Variants in LRRFIP2 observed in about 807,000 individuals in gnomAD.
LRRFIP2 encodes the protein LRR binding FLII interacting protein 2.
Under a neutral mutation model 125.9 loss-of-function variants are expected in LRRFIP2, and 109 were observed. That is an observed-to-expected ratio of 0.87 (90% CI 0.74 to 1.01). The LOEUF (loss-of-function observed/expected upper bound fraction) is 1.01. LRRFIP2 is among the 50% of genes least tolerant of loss of function. The pLI is 0.00. For synonymous variants in LRRFIP2, 291 were observed against 293.1 expected, an observed-to-expected ratio of 0.99 and a Z score of 0.07; for missense variants, 850 against 862.3, an observed-to-expected ratio of 0.99 and a Z score of 0.18.
In LRRFIP2 at chr3:37,144,008, G is replaced by A. The variant is rs56364665; in HGVS notation, c.90+4886C>T. ...ATGGCTGACGTCCCAGACCCTTCGA[G>A]ACTGTCATCGCACTTCAGTTTGCTT... On this transcript the variant is annotated intron_variant, in intron 2 of 27. Coordinates refer to ENST00000336686, the MANE Select transcript of LRRFIP2 (RefSeq NM_006309.4). 8.5e-3 allele frequency: 1,294 copies of A among 152,550 alleles called. 9 individuals carry two copies. Among genetic ancestry groups the A allele is most frequent in the Non-Finnish European group, 0.014 (964 of 68,206 alleles). The allele number at this position is 152,550 out of a possible 1,614,324, so 9.4% of individuals were successfully genotyped here.
chr3:37,066,020 A>G, intron 22 of LRRFIP2, 78 bp from the exon 23 acceptor site: 1 of 1,572,334 alleles, frequency 6.4e-7, no homozygotes, highest in Non-Finnish European at 8.7e-7. Flanking sequence ...CTGCAACAAT[A>G]CATGTTTGCT....
At position 37,063,811 on chromosome 3, in the gene LRRFIP2, T is replaced by A. The variant is rs758528760; in HGVS notation, c.1700-20A>T. The stretch of plus-strand genomic sequence containing the variant: ...TTACATCTAAAACAAATGAAAAAGA[T>A]CATAAACTAAATATGTGATGATATA... On this transcript the variant is annotated intron_variant, in intron 23 of 27. Coordinates refer to ENST00000336686, the MANE Select transcript of LRRFIP2 (RefSeq NM_006309.4). 5 of 1,592,594 alleles carry A rather than the reference T, an allele frequency of 3.1e-6. No homozygotes were observed. The highest frequency in any genetic ancestry group is 1.7e-4 in the Middle Eastern group (1 of 6,034).
intron 2 of LRRFIP2, among the ~76,000 whole-genome samples, chr3:37,142,551 T>C (rs1259705692): frequency 6.6e-6 from 1 of 152,160 alleles, no homozygotes; most frequent in Non-Finnish European, 1.5e-5. Flanking sequence ...GTCCAAAATA[T>C]ACTTAAATAA....
intron 13 of LRRFIP2, among the ~76,000 whole-genome samples, chr3:37,107,134 T>C (rs2094366592): frequency 6.6e-6 from 1 of 151,966 alleles, no homozygotes; most frequent in Non-Finnish European, 1.5e-5. Context: ...AAACTCCCGA[T>C]CTCAGGTAAT....
chr3:37,137,897 C>T lies in LRRFIP2; in HGVS notation c.91-8748G>A, dbSNP rs544272473. On this transcript the variant is annotated intron_variant, in intron 2 of 27. Transcript: ENST00000336686. Reference sequence around the variant, plus strand: ...ACTCTTGTTCAAACCCAAGGTCTGACGACCTCCTACTTCCTTAACAAATCT... The same window carrying T: ...ACTCTTGTTCAAACCCAAGGTCTGATGACCTCCTACTTCCTTAACAAATCT... Among the ~76,000 whole-genome samples, 6 of 152,300 alleles carry T rather than the reference C, an allele frequency of 3.9e-5. No homozygotes were observed. In the East Asian group the frequency reaches 7.7e-4, roughly 20 times the overall value.
intron 15 of LRRFIP2, 25 bp downstream of exon 15, chr3:37,102,899 C>CT: frequency 1.3e-6 from 2 of 1,494,152 alleles, no homozygotes; most frequent in Non-Finnish European, 1.8e-6. Context: ...ACAACATAAC[C>CT]AACCACCCCA....
intron 25 of LRRFIP2, among the ~76,000 whole-genome samples, chr3:37,057,876 G>A (rs3774327): frequency 0.52 from 78,786 of 152,034 alleles, 21,626 homozygotes; most frequent in African/African-American, 0.64. Context: ...TAGTGTGACT[G>A]CAGTGATCAT....
At chr3:37,101,356 CA>C (rs11359628) in intron 15 of LRRFIP2, among the ~76,000 whole-genome samples, 56,851 of 132,132 alleles carry the variant, frequency 0.43, 11,483 homozygotes, top group Non-Finnish European at 0.48. Flanking sequence ...GACTCCGTCT[CA>C]AAAAAAAAAA....
At chr3:37,109,769 G>T in intron 9 of LRRFIP2, 66 bp from the exon 10 acceptor site, 1 of 1,352,248 alleles carries the variant, frequency 7.4e-7, no homozygotes, top group Non-Finnish European at 1.1e-6. Context: ...TCACCATCAT[G>T]AATGCAGAGG....
Position 37,066,416 on chromosome 3 carries a change from G to A in LRRFIP2, c.1465-91C>T, listed in dbSNP as rs533023828. The A allele has an allele frequency of 3.4e-5, 34 of 988,866 alleles. No individual in the cohort carries two copies. The African/African-American group carries it at 4.9e-4, about 14-fold the overall frequency. The allele number at this position is 988,866 out of a possible 1,614,324, so 61.3% of individuals were successfully genotyped here. A position where few individuals can be genotyped will look rare whatever the true frequency, so the allele number is the denominator to read the frequency against. Reference sequence around the variant, plus strand: ...GAAGTACCTAATTCAAATAAGCAAAGATAAAGGCATAAAAAGCAAGAAAGC... The same window carrying A: ...GAAGTACCTAATTCAAATAAGCAAAAATAAAGGCATAAAAAGCAAGAAAGC... On this transcript the variant is annotated intron_variant, in intron 21 of 27. Coordinates refer to ENST00000336686, the MANE Select transcript of LRRFIP2 (RefSeq NM_006309.4).
chr3:37,092,464 A>T (rs764650793), intron 17 of LRRFIP2, among the ~76,000 whole-genome samples: 5 of 152,220 alleles, frequency 3.3e-5, no homozygotes, highest in African/African-American at 4.8e-5. Context: ...CCTATTTAGG[A>T]GGCAGATGGT....
At chr3:37,070,040 T>A (rs993592261) in intron 21 of LRRFIP2, among the ~76,000 whole-genome samples, 1 of 152,034 alleles carries the variant, frequency 6.6e-6, no homozygotes, top group Admixed American at 6.5e-5. Flanking sequence ...TGTGATATTG[T>A]ACTATAGTTT....
chr3:37,088,509 TAAA>T (rs879257970), intron 18 of LRRFIP2, among the ~76,000 whole-genome samples: 3 of 136,898 alleles, frequency 2.2e-5, no homozygotes, highest in African/African-American at 2.7e-5. Context: ...AGACTGCATT[TAAA>T]AAAAAAAAAA....
chr3:37,111,593 C>T (rs2094546613), intron 8 of LRRFIP2, among the ~76,000 whole-genome samples: 1 of 152,164 alleles, frequency 6.6e-6, no homozygotes, highest in South Asian at 2.1e-4. Flanking sequence ...CACATTATAG[C>T]TAATTGAGGG....
chr3:37,066,518 C>A, intron 21 of LRRFIP2, 193 bp from the exon 22 acceptor site: 1 of 549,090 alleles, frequency 1.8e-6, no homozygotes, highest in Non-Finnish European at 3.3e-6. Flanking sequence ...CCAGAAGAGA[C>A]TTCTCATAGA....
chr3:37,068,012 C>A (rs1012378656), intron 21 of LRRFIP2: 2 of 152,218 alleles, frequency 1.3e-5, no homozygotes, highest in African/African-American at 4.8e-5. Context: ...ATGTCAATAT[C>A]TGACTTCTTT....
At chr3:37,140,702 C>G (rs901949785) in intron 2 of LRRFIP2, among the ~76,000 whole-genome samples, 1 of 150,892 alleles carries the variant, frequency 6.6e-6, no homozygotes, top group Non-Finnish European at 1.5e-5. Context: ...AGACTTAATA[C>G]AACCTTAATT....
intron 24 of LRRFIP2, among the ~76,000 whole-genome samples, chr3:37,061,818 G>A (rs966212119): frequency 1.3e-5 from 2 of 152,028 alleles, no homozygotes; most frequent in Non-Finnish European, 2.9e-5. Flanking sequence ...CACTCCCACA[G>A]TCATATACCA....
At position 37,109,713 on chromosome 3, in the gene LRRFIP2, A is replaced by G; in HGVS notation, c.514-10T>C. The G allele has an allele frequency of 6.2e-7, 1 of 1,612,698 alleles. No individual in the cohort carries two copies. Among genetic ancestry groups the G allele is most frequent in the Non-Finnish European group, 8.5e-7 (1 of 1,178,882 alleles). ...ACAGGGAAGAAGACTGCTAAGAGAC[A>G]AAAACAAAATAAATAAGCAAAAACA... On this transcript the variant is annotated splice_polypyrimidine_tract_variant and intron_variant, in intron 9 of 27. Transcript: ENST00000336686.
Sources: gnomAD v4.1 joint callset for allele counts (sites outside exome capture counted in the v4.1 genomes callset) on GRCh38, gnomAD v4.1.1 for gene constraint, MANE v1.5 for transcripts, NCBI Gene and HGNC (gene_info 2026-07-23, HGNC 2026-07-21) for gene names.